The following NTRK2 variants were observed in gnomAD, a reference collection of about 807,000 sequenced individuals.
NTRK2 encodes neurotrophic receptor tyrosine kinase 2.
NTRK2 carries 13 observed loss-of-function variants against 94.5 expected under a neutral mutation model. The ratio of observed to expected loss-of-function variants is 0.14; its 90% CI spans 0.09 to 0.22. The LOEUF (loss-of-function observed/expected upper bound fraction) is 0.22. Among genes scored for constraint, NTRK2 ranks in the 10% least tolerant of loss-of-function variants. The pLI is 1.00. For missense variants in NTRK2, 639 were observed against 1,071.2 expected (o/e 0.60, Z 5.63); for synonymous variants, 372 against 407.4 (o/e 0.91, Z 1.05).
At chr9:84,845,962 G>A (rs951019008) in intron 12 of NTRK2, among the ~76,000 whole-genome samples, 3 of 151,344 alleles carry the variant, frequency 2.0e-5, no homozygotes, top group Non-Finnish European at 2.9e-5. Flanking sequence ...GTTACAGAAT[G>A]CTAAGGAATG....
intron 12 of NTRK2, chr9:84,813,132 G>A: frequency 9.6e-7 from 1 of 1,041,790 alleles, no homozygotes; most frequent in Non-Finnish European, 1.2e-6. Context: ...CATTTTTGCT[G>A]AAATCGGGCC....
At chr9:84,956,942 G>A (rs149999992) in intron 17 of NTRK2, among the ~76,000 whole-genome samples, 1 of 152,086 alleles carries the variant, frequency 6.6e-6, no homozygotes, top group African/African-American at 2.4e-5. Flanking sequence ...ATTCTCTTGG[G>A]TGTATTTGCA....
At chr9:84,726,165 A>G (rs1333319509) in intron 8 of NTRK2, among the ~76,000 whole-genome samples, 1 of 152,250 alleles carries the variant, frequency 6.6e-6, no homozygotes, top group Non-Finnish European at 1.5e-5. Flanking sequence ...TAGTTTAGAC[A>G]AAGAGCAGAA....
chr9:84,787,107 G>C (rs1043007410), intron 12 of NTRK2, among the ~76,000 whole-genome samples: 2 of 152,092 alleles, frequency 1.3e-5, no homozygotes, highest in Non-Finnish European at 2.9e-5. Context: ...AGATCAGCCT[G>C]ACCAACATGG....
At chr9:84,904,716 T>C (rs940099089) in intron 14 of NTRK2, among the ~76,000 whole-genome samples, 4 of 152,234 alleles carry the variant, frequency 2.6e-5, no homozygotes, top group Non-Finnish European at 5.9e-5. Flanking sequence ...ACATTACCCC[T>C]ATAGTAACAA....
chr9:84,919,258 C>T (rs2077489715), intron 14 of NTRK2, among the ~76,000 whole-genome samples: 1 of 152,214 alleles, frequency 6.6e-6, no homozygotes, highest in Non-Finnish European at 1.5e-5. Flanking sequence ...TTACCATCCA[C>T]ATCAGCTTCT....
chr9:84,899,844 C>T (rs563807411), intron 14 of NTRK2, among the ~76,000 whole-genome samples: 1 of 152,278 alleles, frequency 6.6e-6, no homozygotes, highest in South Asian at 2.1e-4. Flanking sequence ...AACCCAAAGA[C>T]CTGGATACTA....
Position 84,707,733 on chromosome 9 carries a change from T to C in NTRK2, c.360-111T>C, listed in dbSNP as rs1449800331. 33 of 835,626 alleles carry C rather than the reference T, an allele frequency of 3.9e-5. 1 individual carries two copies. The South Asian group carries it at 4.9e-4, about 12-fold the overall frequency. 51.8% of individuals were successfully genotyped at this position (835,626 alleles called of 1,614,324 possible). On this transcript the variant is annotated intron_variant, in intron 4 of 18. Transcript: ENST00000277120. The stretch of plus-strand genomic sequence containing the variant: ...GAGAGATCTGGATGTAAGTAAAGCT[T>C]ATATAATGATCAAATAAAATTATAT...
Position 84,867,370 on chromosome 9 carries a change from C to T in NTRK2, c.1572C>T (p.Ile524=), listed in dbSNP as rs1399834831. The change falls in exon 14 of 19, where the codon ATC becomes ATT. Residue 524 remains isoleucine (I), a synonymous_variant. Coordinates refer to ENST00000277120, the MANE Select transcript of NTRK2 (RefSeq NM_006180.6). ...PDAVIIGMTK[I]PVIENPQYFG... is the part of the protein sequence containing the mutation. ...CTGTCATTATTGGAATGACCAAGAT[C>T]CCTGTCATTGAAAATCCCCAGTACT... 3 of 1,613,934 alleles carry T rather than the reference C, an allele frequency of 1.9e-6. No individual in the cohort carries two copies. Among genetic ancestry groups the T allele is most frequent in the African/African-American group, 1.3e-5 (1 of 74,908 alleles).
chr9:84,720,246 G>A (rs973779054), intron 6 of NTRK2, among the ~76,000 whole-genome samples: 1 of 152,062 alleles, frequency 6.6e-6, no homozygotes, highest in Non-Finnish European at 1.5e-5. Context: ...GTTGAAAGTC[G>A]GCTAAGCCCA....
rs558038100 is a variant in NTRK2 at position 84,724,135 on chromosome 9, T to C, written c.721-89T>C. ...CTTTTCTAATGCTATATATACATAT[T>C]TTCTCTAGTTAGGGGAAGAAACCCC... On this transcript the variant is annotated intron_variant, in intron 7 of 18. Coordinates refer to ENST00000277120, the MANE Select transcript of NTRK2 (RefSeq NM_006180.6). 1.6e-3 allele frequency: 2,250 copies of C among 1,372,766 alleles called. 3 individuals are homozygous for C. The highest frequency in any genetic ancestry group is 2.1e-3 in the Non-Finnish European group (1,984 of 963,382). 85.0% of individuals were successfully genotyped at this position (1,372,766 alleles called of 1,614,324 possible). A position where few individuals can be genotyped will look rare whatever the true frequency, so the allele number is the denominator to read the frequency against.
chr9:84,707,140 A>G (rs1265752390), intron 4 of NTRK2, among the ~76,000 whole-genome samples: 3 of 152,096 alleles, frequency 2.0e-5, no homozygotes, highest in Non-Finnish European at 4.4e-5. Context: ...ATCAAATTAC[A>G]TGTTTGGAAC....
At chr9:84,757,760 A>G (rs1019850815) in intron 12 of NTRK2, among the ~76,000 whole-genome samples, 3 of 152,166 alleles carry the variant, frequency 2.0e-5, no homozygotes, top group Admixed American at 1.3e-4. Context: ...GATTTATTTG[A>G]CTTTTCTTCT....
chr9:84,875,471 C>T (rs2076028205), intron 14 of NTRK2: 2 of 1,062,730 alleles, frequency 1.9e-6, no homozygotes, highest in Non-Finnish European at 2.3e-6. Context: ...GTCATCACTC[C>T]AGATAACTCC....
chr9:84,993,126 T>C (rs1325745011), intron 17 of NTRK2, among the ~76,000 whole-genome samples: 1 of 152,142 alleles, frequency 6.6e-6, no homozygotes, highest in African/African-American at 2.4e-5. Context: ...GCACTGTTTC[T>C]TAGTCTCCTT....
At position 84,908,716 on chromosome 9, in the gene NTRK2, T is replaced by C. The variant is rs182505034; in HGVS notation, c.1634-25446T>C. On this transcript the variant is annotated intron_variant, in intron 14 of 18. Coordinates refer to ENST00000277120, the MANE Select transcript of NTRK2 (RefSeq NM_006180.6). ...GCCAGACCCTCAAGGAGCTCACTTA[T>C]GATGCAGGTGGGACCAAATCCATAA... Among the ~76,000 whole-genome samples the C allele has an allele frequency of 1.7e-4, 26 of 152,310 alleles. 1 individual carries two copies. In the East Asian group the frequency reaches 4.6e-3, roughly 27 times the overall value.
At chr9:84,989,951 G>A (rs1004355693) in intron 17 of NTRK2, among the ~76,000 whole-genome samples, 2 of 152,180 alleles carry the variant, frequency 1.3e-5, no homozygotes, top group Non-Finnish European at 2.9e-5. Flanking sequence ...AAGTTCCTAG[G>A]TGTAAAGTGA....
intron 12 of NTRK2, among the ~76,000 whole-genome samples, chr9:84,838,701 A>G (rs2074010853): frequency 6.6e-6 from 1 of 152,198 alleles, no homozygotes; most frequent in Non-Finnish European, 1.5e-5. Flanking sequence ...TTTTCTTCCG[A>G]TATAGTATAT....
At chr9:85,009,150 AG>A (rs1453526588) in intron 17 of NTRK2, among the ~76,000 whole-genome samples, 8 of 152,246 alleles carry the variant, frequency 5.3e-5, no homozygotes, top group African/African-American at 1.9e-4. Flanking sequence ...TTTGGACCCA[AG>A]ATGGTGTGTC....
Sources: allele counts gnomAD v4.1 joint callset (sites outside exome capture counted in the v4.1 genomes callset), GRCh38; gene constraint gnomAD v4.1.1; transcripts MANE v1.5; gene names NCBI Gene and HGNC (gene_info 2026-07-23, HGNC 2026-07-21).